The following COL28A1 variants were observed in gnomAD, a reference collection of about 807,000 sequenced individuals.
COL28A1 encodes the protein collagen type XXVIII alpha 1 chain.
A neutral mutation model predicts 150.2 loss-of-function variants in COL28A1; 161 were observed. The observed-to-expected ratio is 1.07, with a 90% CI of 0.94 to 1.22. The LOEUF (loss-of-function observed/expected upper bound fraction) is 1.22. COL28A1 is among the 50% of genes most tolerant of loss of function. The pLI is 0.00. For synonymous variants in COL28A1, 552 were observed against 469.7 expected (o/e 1.18, Z -2.26); for missense variants, 1,617 against 1,388.3 (o/e 1.16, Z -2.62).
At chr7:7,457,217 C>A (rs941494971) in intron 15 of COL28A1, among the ~76,000 whole-genome samples, 1 of 152,124 alleles carries the variant, frequency 6.6e-6, no homozygotes, top group African/African-American at 2.4e-5. Context: ...AGTGAGAGAT[C>A]TGACTTGGTT....
intron 25 of COL28A1, among the ~76,000 whole-genome samples, chr7:7,430,031 T>C (rs1583350510): frequency 6.6e-6 from 1 of 152,338 alleles, no homozygotes; most frequent in Middle Eastern, 3.4e-3. Context: ...TACAGGGGAC[T>C]TTTGGAGGAA....
chr7:7,494,379 A>T (rs1369818502), intron 11 of COL28A1, among the ~76,000 whole-genome samples: 1 of 152,144 alleles, frequency 6.6e-6, no homozygotes, highest in Non-Finnish European at 1.5e-5. Flanking sequence ...AGTCACAGGG[A>T]AAAAACCATG....
At chr7:7,393,275 G>A (rs1782650811) in intron 27 of COL28A1, among the ~76,000 whole-genome samples, 1 of 152,214 alleles carries the variant, frequency 6.6e-6, no homozygotes, top group Non-Finnish European at 1.5e-5. Context: ...GTTTGCCTGG[G>A]CATTACCAGT....
intron 15 of COL28A1, among the ~76,000 whole-genome samples, chr7:7,473,707 C>A (rs561985993): frequency 7.2e-5 from 11 of 151,940 alleles, no homozygotes; most frequent in African/African-American, 2.4e-4. Flanking sequence ...GAGGAAAAGT[C>A]GTCATTATAC....
At chr7:7,370,633 A>T (rs1022434817) in intron 33 of COL28A1, 92 bp downstream of exon 33, 2 of 1,046,998 alleles carry the variant, frequency 1.9e-6, no homozygotes, top group Middle Eastern at 4.5e-4. Flanking sequence ...GCCTCAGCTG[A>T]TTCTTGACAA....
intron 25 of COL28A1, among the ~76,000 whole-genome samples, chr7:7,421,784 G>A (rs76776774): frequency 6.6e-6 from 1 of 152,152 alleles, no homozygotes; most frequent in Non-Finnish European, 1.5e-5. Flanking sequence ...TCATAATTAT[G>A]TATTTCTATT....
chr7:7,343,859 T>C, the COL28A1 span, among the ~76,000 whole-genome samples: 1 of 151,868 alleles, frequency 6.6e-6, no homozygotes, highest in Non-Finnish European at 1.5e-5. Flanking sequence ...AAATCAAAAA[T>C]TAGTTGGACA....
chr7:7,531,886 T>C lies in COL28A1; in HGVS notation c.143A>G (p.Asp48Gly). The change falls in exon 3 of 35, where the codon GAT becomes GGT. Residue 48 changes from aspartate (D) to glycine (G), a missense_variant. By Grantham distance (94) the Asp-to-Gly change is moderately conservative. Coordinates refer to ENST00000399429, the MANE Select transcript of COL28A1 (RefSeq NM_001037763.3). ...SDVQGSICFIDIVFIVDSSES... is the reference protein window; with the variant it reads ...SDVQGSICFIGIVFIVDSSES... ...AGAGCTGTCCACGATGAAGACAATA[T>C]CTATGAAACAAATGGAGCCTGAAAC... is the stretch of plus-strand genomic sequence containing the variant. 6.9e-6 allele frequency: 11 copies of C among 1,602,934 alleles called. No homozygotes were observed. Among genetic ancestry groups the C allele is most frequent in the Non-Finnish European group, 9.4e-6 (11 of 1,171,038 alleles).
rs1030731343 is a variant in COL28A1 at position 7,383,951 on chromosome 7, G to C, written c.2137-2339C>G. ...TACAAAATAAAATGAACACAGCACA[G>C]ATTCTCTGAAGCTGAACTAAAGGGC... On this transcript the variant is annotated intron_variant, in intron 27 of 34. Coordinates refer to ENST00000399429, the MANE Select transcript of COL28A1 (RefSeq NM_001037763.3). 4.6e-5 allele frequency among the ~76,000 whole-genome samples: 7 copies of C among 152,024 alleles called. No homozygotes were observed. The East Asian group carries it at 5.8e-4, about 13-fold the overall frequency.
intron 28 of COL28A1, among the ~76,000 whole-genome samples, 171 bp from the exon 29 acceptor site, chr7:7,381,033 C>T (rs1781843849): frequency 6.6e-6 from 1 of 152,108 alleles, no homozygotes. Context: ...TACATCCCAT[C>T]AGATACCATA....
Position 7,417,885 on chromosome 7 carries a change from G to T in COL28A1, c.2110C>A (p.Pro704Thr). 1 of 1,613,370 alleles carries T rather than the reference G, an allele frequency of 6.2e-7. No individual in the cohort carries two copies. Among genetic ancestry groups the T allele is most frequent in the South Asian group, 1.1e-5 (1 of 90,946 alleles). Residue 704 changes from proline to threonine, a missense_variant, in exon 27 of 35, where the codon CCT (proline) becomes ACT (threonine). Transcript: ENST00000399429. ...QKGLPGPPGPPGYGSQGIKGE... is the reference protein window; with the variant it reads ...QKGLPGPPGPTGYGSQGIKGE... Reference sequence around the variant, plus strand: ...TTAATTCCCTGTGATCCATAGCCAGGGGGGCCAGGAGGGCCAGGCAAGCCT... The same window carrying T: ...TTAATTCCCTGTGATCCATAGCCAGTGGGGCCAGGAGGGCCAGGCAAGCCT...
chr7:7,422,057 G>T (rs1784410276), intron 25 of COL28A1, among the ~76,000 whole-genome samples: 1 of 152,140 alleles, frequency 6.6e-6, no homozygotes, highest in Admixed American at 6.5e-5. Flanking sequence ...AAGGGAGAGT[G>T]TGTAAGTTCA....
chr7:7,437,328 CATG>C, intron 22 of COL28A1, 63 bp downstream of exon 22: 1 of 1,544,068 alleles, frequency 6.5e-7, no homozygotes. Flanking sequence ...TCACTGGTAT[CATG>C]ATTTTTTTTT....
In COL28A1 at chr7:7,358,762, T is replaced by C. The variant is rs1780466733; in HGVS notation, c.3249A>G (p.Glu1083=). 6.2e-7 allele frequency: 1 copy of C among 1,613,874 alleles called. No homozygotes were observed. The highest frequency in any genetic ancestry group is 1.3e-5 in the African/African-American group (1 of 74,900). Residue 1083 remains glutamate, a synonymous_variant, in exon 35 of 35, where the codon GAA becomes GAG. Transcript: ENST00000399429. ...TGTCATAATACCATCGAACCACATA[T>C]TCACCACAGTTTCCAGGCTTCAAGG... The part of the protein sequence containing the change: ...LEALKPGNCG[E]YVVRWYYDKQ...
intron 30 of COL28A1, among the ~76,000 whole-genome samples, chr7:7,379,160 C>T (rs962676847): frequency 2.6e-5 from 4 of 152,194 alleles, no homozygotes; most frequent in East Asian, 1.9e-4. Flanking sequence ...TGGAGAAGGA[C>T]GAGGGTTCCA....
intron 11 of COL28A1, 24 bp downstream of exon 11, chr7:7,505,990 T>A: frequency 9.0e-7 from 1 of 1,117,228 alleles, no homozygotes; most frequent in South Asian, 1.2e-5. Flanking sequence ...ACTCTGCCTG[T>A]CTTTAATCAA....
chr7:7,516,185 T>C (rs555485594), intron 7 of COL28A1, among the ~76,000 whole-genome samples: 31 of 152,346 alleles, frequency 2.0e-4, no homozygotes, highest in African/African-American at 7.0e-4. Context: ...AAAACTGTTA[T>C]ATTGACTTTT....
the COL28A1 span, among the ~76,000 whole-genome samples, chr7:7,340,694 G>GT: frequency 6.6e-6 from 1 of 151,784 alleles, no homozygotes; most frequent in African/African-American, 2.4e-5. Context: ...TCTAATCTGT[G>GT]TTTTTTATAC....
At chr7:7,505,952 C>A in intron 11 of COL28A1, 62 bp downstream of exon 11, 1 of 854,976 alleles carries the variant, frequency 1.2e-6, no homozygotes, top group South Asian at 1.3e-5. Context: ...ATAAAACATA[C>A]ATTACTATAG....
Sources: gnomAD v4.1 joint callset for allele counts (sites outside exome capture counted in the v4.1 genomes callset) on GRCh38, gnomAD v4.1.1 for gene constraint, MANE v1.5 for transcripts, NCBI Gene and HGNC (gene_info 2026-07-23, HGNC 2026-07-21) for gene names.